DST: variants seen among roughly 807,000 people sequenced by gnomAD.
DST encodes dystonin.
DST carries 253 observed loss-of-function variants against 875.2 expected under a neutral mutation model. The ratio of observed to expected loss-of-function variants is 0.29; its 90% CI spans 0.26 to 0.32. The LOEUF (loss-of-function observed/expected upper bound fraction) is 0.32. DST is among the 10% of genes least tolerant of loss of function. The pLI is 1.00. For synonymous variants in DST, 3,124 were observed against 3,197.1 expected (o/e 0.98, Z 0.77); for missense variants, 8,287 against 9,111.6 (o/e 0.91, Z 3.68).
At chr6:56,618,749 A>G in intron 36 of DST, 1 of 1,614,176 alleles carries the variant, frequency 6.2e-7, no homozygotes. Context: ...TTTGGACTCC[A>G]TTAATTTTTC....
intron 99 of DST, among the ~76,000 whole-genome samples, chr6:56,465,619 T>C (rs1035908071): frequency 5.3e-5 from 8 of 152,104 alleles, no homozygotes; most frequent in African/African-American, 1.9e-4. Flanking sequence ...GATTATTATT[T>C]AAAAATTTTT....
chr6:56,625,268 T>C lies in DST; in HGVS notation c.4723-4A>G, dbSNP rs771064413. ...TCATTGTTTGTAATTCATAGTCCTGTATAAAGGAGTCAATAAGATAAAATG... is the reference window on the plus strand; with the variant it reads ...TCATTGTTTGTAATTCATAGTCCTGCATAAAGGAGTCAATAAGATAAAATG... On this transcript the variant is annotated splice_polypyrimidine_tract_variant and splice_region_variant and intron_variant, in intron 34 of 103. Coordinates refer to ENST00000680361, the MANE Select transcript of DST (RefSeq NM_001374736.1). 1 of 1,579,510 alleles carries C rather than the reference T, an allele frequency of 6.3e-7. No homozygotes were observed. Among genetic ancestry groups the C allele is most frequent in the African/African-American group, 1.3e-5 (1 of 74,310 alleles).
intron 50 of DST, among the ~76,000 whole-genome samples, chr6:56,574,695 A>G (rs2097839209): frequency 6.6e-6 from 1 of 152,072 alleles, no homozygotes; most frequent in African/African-American, 2.4e-5. Flanking sequence ...AAAGCCCTAC[A>G]TGTTAACATC....
intron 95 of DST, among the ~76,000 whole-genome samples, chr6:56,470,781 AAC>A (rs67009040): frequency 0.095 from 13,416 of 141,362 alleles, 699 homozygotes; most frequent in African/African-American, 0.15. Context: ...TATGCCAGGC[AAC>A]ACACACACAC....
At chr6:56,479,695 G>A (rs578107317) in intron 90 of DST, among the ~76,000 whole-genome samples, 2 of 152,212 alleles carry the variant, frequency 1.3e-5, no homozygotes, top group Non-Finnish European at 2.9e-5. Context: ...AATATCACAC[G>A]TTCTCATGTA....
chr6:56,492,023 G>C (rs1279040545), intron 85 of DST, among the ~76,000 whole-genome samples: 1 of 152,198 alleles, frequency 6.6e-6, no homozygotes, highest in South Asian at 2.1e-4. Context: ...TTAGTCCCCA[G>C]GGGCTGAAAT....
intron 61 of DST, chr6:56,542,957 G>C (rs2097161093): frequency 6.6e-6 from 1 of 152,348 alleles, no homozygotes; most frequent in South Asian, 2.1e-4. Context: ...TCGAAGCCGA[G>C]AGGCTGCAAT....
chr6:56,589,447 G>T (rs1322469454), intron 49 of DST, among the ~76,000 whole-genome samples: 1 of 152,164 alleles, frequency 6.6e-6, no homozygotes, highest in Non-Finnish European at 1.5e-5. Flanking sequence ...TGTTTTGAAT[G>T]GATTTCAAGG....
intron 4 of DST, chr6:56,843,614 T>G (rs2099803313): frequency 2.0e-6 from 2 of 983,590 alleles, no homozygotes; most frequent in Non-Finnish European, 2.4e-6. Context: ...ACCGGCGCGC[T>G]GCCTTCACCG....
intron 84 of DST, 50 bp downstream of exon 84, chr6:56,492,884 A>AAG: frequency 7.0e-7 from 1 of 1,419,048 alleles, no homozygotes; most frequent in Non-Finnish European, 9.3e-7. Context: ...AAAAAAAAAA[A>AAG]AAGCCTGGTG....
intron 4 of DST, among the ~76,000 whole-genome samples, chr6:56,751,512 T>G (rs1356525343): frequency 6.6e-6 from 1 of 152,226 alleles, no homozygotes; most frequent in Non-Finnish European, 1.5e-5. Flanking sequence ...TCTCTCAATT[T>G]GTACAATACT....
chr6:56,900,710 A>G, intron 2 of DST, 89 bp from the exon 3 acceptor site: 1 of 996,286 alleles, frequency 1.0e-6, no homozygotes, highest in Non-Finnish European at 1.4e-6. Context: ...AGAGCTCCAA[A>G]AGTCACTATA....
In DST at chr6:56,606,139, T is replaced by A; in HGVS notation, c.8489A>T (p.Asn2830Ile). 6.2e-7 allele frequency: 1 copy of A among 1,611,822 alleles called. No homozygotes were observed. Among genetic ancestry groups the A allele is most frequent in the Non-Finnish European group, 8.5e-7 (1 of 1,178,618 alleles). ...RDENGKPRCQ[N>I]VAEDMDIQLC... ...CTGGATATCCATATCTTCAGCCACA[T>A]TTTGGCACCTGGGCTTTCCATTCTC... The change falls in exon 40 of 104, where the codon AAT becomes ATT. Residue 2830 changes from asparagine (N) to isoleucine (I), a missense_variant. Physicochemically the swap from Asn to Ile is moderately radical, Grantham distance 149 (BLOSUM62 -3). This residue lies in a region of DST where 3,138 missense variants were observed against 3,116.6 expected (regional missense o/e 1.01). Coordinates refer to ENST00000680361, the MANE Select transcript of DST (RefSeq NM_001374736.1).
rs748731462 is a variant in DST at position 56,536,961 on chromosome 6, A to G, written c.16609-21T>C. 3 of 1,609,224 alleles carry G rather than the reference A, an allele frequency of 1.9e-6. No individual in the cohort carries two copies. In the Admixed American group the frequency reaches 5.0e-5, roughly 27 times the overall value. On this transcript the variant is annotated intron_variant, in intron 61 of 103. Coordinates refer to ENST00000680361, the MANE Select transcript of DST (RefSeq NM_001374736.1). Reference sequence around the variant, plus strand: ...AATACCTGCAGTTAAAAGAGTAATAATTATATGAGTTATATTACCTATCAA... The same window carrying G: ...AATACCTGCAGTTAAAAGAGTAATAGTTATATGAGTTATATTACCTATCAA...
chr6:56,513,846 T>C (rs1168511667), intron 72 of DST, among the ~76,000 whole-genome samples: 3 of 152,174 alleles, frequency 2.0e-5, no homozygotes, highest in East Asian at 3.9e-4. Context: ...GCTGGAGCTA[T>C]CTGGTGTGAC....
At chr6:56,583,445 T>C (rs914374228) in intron 49 of DST, among the ~76,000 whole-genome samples, 8 of 152,194 alleles carry the variant, frequency 5.3e-5, no homozygotes, top group South Asian at 2.1e-4. Context: ...ATGGGGTTGT[T>C]TGTTTTTTTC....
rs761732183 is a variant in DST, at chr6:56,509,763, A to G, written c.18891T>C (p.Ser6297=). The G allele has an allele frequency of 6.2e-7, 1 of 1,613,488 alleles. No individual in the cohort carries two copies. Among genetic ancestry groups the G allele is most frequent in the Non-Finnish European group, 8.5e-7 (1 of 1,179,690 alleles). Residue 6297 remains serine, a synonymous_variant, in exon 74 of 104, where the codon AGT becomes AGC. Coordinates refer to ENST00000680361, the MANE Select transcript of DST (RefSeq NM_001374736.1). ...TGTCTACTGACACATTCTTATTTTC[A>G]CTGATCTGTTCCTTGATCTTCTCAA... The part of the protein sequence containing the change: ...AEVEKIKEQI[S]ENKNVSVDME...
chr6:56,614,464 C>T lies in DST; in HGVS notation c.4950G>A (p.Lys1650=). 1.9e-6 allele frequency: 3 copies of T among 1,604,632 alleles called. No individual in the cohort carries two copies. The highest frequency in any genetic ancestry group is 2.6e-6 in the Non-Finnish European group (3 of 1,175,968). The part of the protein sequence containing the change: ...EEEEKSLEEE[K]KEHVEKAKEL... ...CTTTGGCTTTTTCAACATGTTCTTT[C>T]TTTTCTTCTTCCAGTGACTTCTGAC... The change falls in exon 37 of 104, where the codon AAG becomes AAA. Residue 1650 remains lysine (K), a synonymous_variant. Coordinates refer to ENST00000680361, the MANE Select transcript of DST (RefSeq NM_001374736.1).
chr6:56,476,722 C>T (rs1335912272), intron 91 of DST, among the ~76,000 whole-genome samples: 3 of 151,882 alleles, frequency 2.0e-5, no homozygotes, highest in Admixed American at 1.3e-4. Flanking sequence ...TTTGGGAGGC[C>T]GAGGTGGGCG....
Sources: gnomAD v4.1 joint callset for allele counts (sites outside exome capture counted in the v4.1 genomes callset) on GRCh38, gnomAD v4.1.1 for gene constraint, gnomAD v4.1.1 regional missense constraint, MANE v1.5 for transcripts, NCBI Gene and HGNC (gene_info 2026-07-23, HGNC 2026-07-21) for gene names.